HHLA2: variants seen among roughly 807,000 people sequenced by gnomAD.
HHLA2 encodes HHLA2 member of B7 family, also known as HERV-H LTR-associating protein 2.
Under a neutral mutation model 45.9 loss-of-function variants are expected in HHLA2, and 48 were observed. That is an observed-to-expected ratio of 1.05 (90% CI 0.83 to 1.33). HHLA2 has a LOEUF of 1.33. HHLA2 is among the 40% of genes most tolerant of loss of function. The pLI is 0.00. For synonymous variants in HHLA2, 161 were observed against 173.9 expected, an observed-to-expected ratio of 0.93 and a Z score of 0.59; for missense variants, 462 against 494.3, an observed-to-expected ratio of 0.93 and a Z score of 0.62.
intron 4 of HHLA2, 140 bp from the exon 4 acceptor site, chr3:108,353,287 T>C (rs991704235): frequency 1.6e-5 from 9 of 579,126 alleles, no homozygotes; most frequent in African/African-American, 1.3e-4. Context: ...TTTCTAATAA[T>C]CAGACAAGTG....
chr3:108,315,551 G>A (rs1227049561), intron 2 of HHLA2, among the ~76,000 whole-genome samples: 1 of 152,156 alleles, frequency 6.6e-6, no homozygotes, highest in African/African-American at 2.4e-5. Flanking sequence ...CCAGTTTTAA[G>A]TATTATTTAC....
chr3:108,307,201 T>G (rs761917314), intron 1 of HHLA2, among the ~76,000 whole-genome samples: 10 of 152,214 alleles, frequency 6.6e-5, no homozygotes, highest in Non-Finnish European at 1.3e-4. Flanking sequence ...AATACAAATG[T>G]TTGATTAAAT....
At chr3:108,367,395 A>ATAAC (rs1383502310) in intron 8 of HHLA2, among the ~76,000 whole-genome samples, 5 of 152,126 alleles carry the variant, frequency 3.3e-5, no homozygotes, top group African/African-American at 7.2e-5. Flanking sequence ...AAGGTGGGTA[A>ATAAC]TAACAAACTC....
chr3:108,297,788 G>A (rs182754330), intron 1 of HHLA2, among the ~76,000 whole-genome samples: 25 of 152,284 alleles, frequency 1.6e-4, no homozygotes, highest in Non-Finnish European at 2.8e-4. Flanking sequence ...CCTGTGTTGA[G>A]TTTTCCTCCA....
intron 3 of HHLA2, among the ~76,000 whole-genome samples, chr3:108,344,530 G>A (rs2081628945): frequency 6.6e-6 from 1 of 152,142 alleles, no homozygotes; most frequent in Non-Finnish European, 1.5e-5. Flanking sequence ...ATTATTTGAT[G>A]ATAACCCACT....
chr3:108,319,021 C>T (rs879804785), intron 2 of HHLA2, among the ~76,000 whole-genome samples: 2 of 152,184 alleles, frequency 1.3e-5, no homozygotes, highest in Non-Finnish European at 2.9e-5. Context: ...TCTTTGGCCA[C>T]TGACTACCTT....
At chr3:108,342,484 C>G (rs1409524539) in intron 3 of HHLA2, among the ~76,000 whole-genome samples, 1 of 151,896 alleles carries the variant, frequency 6.6e-6, no homozygotes, top group Non-Finnish European at 1.5e-5. Flanking sequence ...AGGCTGGCCT[C>G]GAACTCCTGA....
chr3:108,363,003 A>G (rs2082006088), intron 8 of HHLA2, among the ~76,000 whole-genome samples: 1 of 152,116 alleles, frequency 6.6e-6, no homozygotes, highest in Non-Finnish European at 1.5e-5. Flanking sequence ...TGGTGCTCTG[A>G]TTGAAACTGC....
intron 3 of HHLA2, among the ~76,000 whole-genome samples, chr3:108,345,789 C>T (rs766580301): frequency 3.3e-5 from 5 of 152,188 alleles, no homozygotes; most frequent in Non-Finnish European, 7.3e-5. Flanking sequence ...ATTTGGCTTT[C>T]GTAGTGCTTT....
chr3:108,325,729 G>A (rs532670711), intron 2 of HHLA2: 24 of 239,840 alleles, frequency 1.0e-4, no homozygotes, highest in East Asian at 9.8e-4. Flanking sequence ...CATTATAGCC[G>A]TGCCCGCAGC....
chr3:108,298,559 AC>A (rs2080800372), intron 1 of HHLA2, among the ~76,000 whole-genome samples: 1 of 152,144 alleles, frequency 6.6e-6, no homozygotes. Flanking sequence ...CATAGGCTTC[AC>A]CCTTAGAAGC....
intron 6 of HHLA2, among the ~76,000 whole-genome samples, chr3:108,357,556 A>G (rs956542171): frequency 2.0e-5 from 3 of 151,704 alleles, no homozygotes; most frequent in African/African-American, 7.3e-5. Context: ...AACATTCCTG[A>G]GTGCTTACTG....
intron 3 of HHLA2, among the ~76,000 whole-genome samples, chr3:108,345,344 T>C (rs1425825018): frequency 1.3e-5 from 2 of 152,228 alleles, no homozygotes; most frequent in Non-Finnish European, 2.9e-5. Context: ...TGTGAGCAGG[T>C]AGCAGCAGCT....
exon 7 of HHLA2, chr3:108,358,076 T>G (rs1239927786): frequency 6.2e-7 from 1 of 1,613,752 alleles, no homozygotes; most frequent in Admixed American, 1.7e-5. Context: ...ATTTGATGGA[T>G]CTTAATCTTT....
chr3:108,370,267 C>G (rs1245699600), intron 8 of HHLA2, among the ~76,000 whole-genome samples: 1 of 152,170 alleles, frequency 6.6e-6, no homozygotes, highest in African/African-American at 2.4e-5. Context: ...AGGGTCCTGA[C>G]TGTTTGTTAG....
Position 108,353,639 on chromosome 3 carries a change from TC to T in HHLA2, c.280del (p.Leu94PhefsTer18), listed in dbSNP as rs1339897442. 2 of 1,613,656 alleles carry T rather than the reference TC, an allele frequency of 1.2e-6. No individual in the cohort carries two copies. Among genetic ancestry groups the T allele is most frequent in the Admixed American group, 1.7e-5 (1 of 59,942 alleles). ...AGATCCCAGATATGCAAACAGGACA[TC>T]CCTTTTCTATAATGAGATTCAAAAT... is the stretch of plus-strand genomic sequence containing the variant. On this transcript the variant is annotated frameshift_variant, in exon 5 of 11. Transcript: ENST00000619531. LOFTEE classifies it high-confidence loss of function.
chr3:108,312,267 A>G (rs570655401), intron 2 of HHLA2, among the ~76,000 whole-genome samples: 1 of 152,144 alleles, frequency 6.6e-6, no homozygotes, highest in Non-Finnish European at 1.5e-5. Flanking sequence ...ACTCACCCCT[A>G]TTGCTTCCCA....
chr3:108,301,605 G>A (rs943266503), intron 1 of HHLA2, among the ~76,000 whole-genome samples: 7 of 149,368 alleles, frequency 4.7e-5, no homozygotes, highest in Non-Finnish European at 8.9e-5. Flanking sequence ...ATTTTCTTCC[G>A]TAGGCTAATT....
At chr3:108,331,223 C>T (rs2081380452) in intron 3 of HHLA2, among the ~76,000 whole-genome samples, 1 of 152,166 alleles carries the variant, frequency 6.6e-6, no homozygotes, top group African/African-American at 2.4e-5. Flanking sequence ...TCCTAGGTCT[C>T]ACTCCAGATA....
Sources: gnomAD v4.1 joint callset for allele counts (sites outside exome capture counted in the v4.1 genomes callset) on GRCh38, gnomAD v4.1.1 for gene constraint, MANE v1.5 for transcripts, NCBI Gene and HGNC (gene_info 2026-07-23, HGNC 2026-07-21) for gene names.